Variants in TYW1 observed in about 807,000 individuals in gnomAD.
TYW1 encodes the protein tRNA-yW synthesizing protein 1 homolog, also known as S-adenosyl-L-methionine-dependent tRNA 4-demethylwyosine synthase TYW1.
Under a neutral mutation model 96.2 loss-of-function variants are expected in TYW1, and 46 were observed. That is an observed-to-expected ratio of 0.48 (90% CI 0.38 to 0.61). The LOEUF (loss-of-function observed/expected upper bound fraction) is 0.61, where lower values mean the gene tolerates loss of function less well. Among genes scored for constraint, TYW1 ranks in the 20% least tolerant of loss-of-function variants. TYW1 has a pLI of 0.00. For synonymous variants in TYW1, 274 were observed against 323.0 expected (o/e 0.85, Z 1.63); for missense variants, 684 against 909.6 (o/e 0.75, Z 3.19).
intron 13 of TYW1, among the ~76,000 whole-genome samples, chr7:67,129,652 C>T (rs549682807): frequency 1.4e-4 from 22 of 152,270 alleles, no homozygotes; most frequent in African/African-American, 5.1e-4. Flanking sequence ...ACAGTGATGA[C>T]GTCCAAGCAA....
intron 7 of TYW1, among the ~76,000 whole-genome samples, chr7:67,047,312 C>G (rs1357641293): frequency 6.6e-6 from 1 of 152,134 alleles, no homozygotes; most frequent in Non-Finnish European, 1.5e-5. Flanking sequence ...GGGAGGGTCG[C>G]TTGAGCCCAG....
intron 5 of TYW1, 43 bp downstream of exon 5, chr7:67,014,604 C>T (rs1446623876): frequency 6.5e-6 from 10 of 1,538,560 alleles, no homozygotes; most frequent in Non-Finnish European, 8.8e-6. Context: ...TCCCCATAAA[C>T]ACACACACAC....
At chr7:67,035,739 C>T (rs564269104) in intron 7 of TYW1, among the ~76,000 whole-genome samples, 8 of 152,188 alleles carry the variant, frequency 5.3e-5, no homozygotes, top group South Asian at 2.1e-4. Flanking sequence ...AGTACAGTGG[C>T]GCCATCTCGC....
chr7:67,134,586 C>T (rs1468683768), intron 13 of TYW1, among the ~76,000 whole-genome samples: 25 of 151,608 alleles, frequency 1.6e-4, no homozygotes, highest in Middle Eastern at 6.9e-3. Context: ...ATCCAAACAA[C>T]TCTGTGAACC....
At chr7:67,232,489 C>T (rs578251482) in intron 15 of TYW1, among the ~76,000 whole-genome samples, 72 of 149,044 alleles carry the variant, frequency 4.8e-4, no homozygotes, top group Admixed American at 1.5e-3. Flanking sequence ...GCAATGAAGC[C>T]GAGATTGCGC....
At chr7:67,120,095 T>G (rs1291069373) in intron 13 of TYW1, among the ~76,000 whole-genome samples, 1 of 152,148 alleles carries the variant, frequency 6.6e-6, no homozygotes, top group African/African-American at 2.4e-5. Flanking sequence ...TTTTTTTCTT[T>G]TTTTGAGATG....
intron 13 of TYW1, among the ~76,000 whole-genome samples, chr7:67,128,783 G>A (rs1379894451): frequency 6.6e-6 from 1 of 150,716 alleles, no homozygotes; most frequent in Non-Finnish European, 1.5e-5. Flanking sequence ...CTGCCTCCCA[G>A]GTTCAAGCAA....
chr7:67,067,095 G>T (rs570303729), intron 9 of TYW1, 190 bp from the exon 10 acceptor site: 2 of 611,960 alleles, frequency 3.3e-6, no homozygotes, highest in Non-Finnish European at 5.8e-6. Context: ...ATTTCACTGG[G>T]CTTTAGTAAA....
chr7:67,032,616 T>C (rs1359726916), intron 7 of TYW1, among the ~76,000 whole-genome samples: 1 of 152,056 alleles, frequency 6.6e-6, no homozygotes, highest in Non-Finnish European at 1.5e-5. Flanking sequence ...AGTTAGACCC[T>C]GTCTCAAAGA....
At chr7:67,136,908 TG>T (rs1242145788) in intron 13 of TYW1, among the ~76,000 whole-genome samples, 1 of 152,002 alleles carries the variant, frequency 6.6e-6, no homozygotes, top group Non-Finnish European at 1.5e-5. Flanking sequence ...CCGCAACCTC[TG>T]CCTCCTGGGT....
intron 11 of TYW1, among the ~76,000 whole-genome samples, chr7:67,085,737 G>A (rs1563005020): frequency 6.6e-6 from 1 of 152,262 alleles, no homozygotes; most frequent in East Asian, 1.9e-4. Flanking sequence ...GAGAGGCTGA[G>A]GTAGGCGGAT....
chr7:67,070,362 T>A (rs1795996131), intron 10 of TYW1, among the ~76,000 whole-genome samples: 1 of 152,200 alleles, frequency 6.6e-6, no homozygotes, highest in African/African-American at 2.4e-5. Flanking sequence ...TTATTATGCA[T>A]ATGTTGGTAT....
intron 3 of TYW1, among the ~76,000 whole-genome samples, chr7:67,006,948 CTTTTTTTTTTT>C (rs34475001): frequency 8.9e-5 from 4 of 45,142 alleles, no homozygotes; most frequent in Admixed American, 3.8e-4. Context: ...AGATGTGAGG[CTTTTTTTTTTT>C]TTTTTTTTTT....
chr7:67,079,106 C>T (rs1796300927), intron 10 of TYW1, among the ~76,000 whole-genome samples: 2 of 151,686 alleles, frequency 1.3e-5, no homozygotes, highest in Non-Finnish European at 1.5e-5. Flanking sequence ...TCGTATAATA[C>T]TGAGTTTCTA....
intron 12 of TYW1, among the ~76,000 whole-genome samples, chr7:67,104,479 G>A (rs1414140681): frequency 6.6e-6 from 1 of 152,144 alleles, no homozygotes; most frequent in Admixed American, 6.6e-5. Context: ...CAAGGGGGAC[G>A]TCCCCATCAC....
intron 13 of TYW1, among the ~76,000 whole-genome samples, chr7:67,139,704 G>C (rs1458384662): frequency 6.7e-6 from 1 of 149,472 alleles, no homozygotes. Flanking sequence ...AAGGCTAACT[G>C]CATATTACAT....
At chr7:67,220,971 C>T (rs2116418492) in intron 15 of TYW1, among the ~76,000 whole-genome samples, 1 of 152,246 alleles carries the variant, frequency 6.6e-6, no homozygotes, top group East Asian at 1.9e-4. Context: ...AGGTGATCCA[C>T]CTGCCTTGGC....
At chr7:67,077,840 CCT>C (rs1251991711) in intron 10 of TYW1, among the ~76,000 whole-genome samples, 1 of 152,144 alleles carries the variant, frequency 6.6e-6, no homozygotes, top group Non-Finnish European at 1.5e-5. Context: ...TAAAGTGTTT[CCT>C]CTGTGTTTTC....
At chr7:67,081,399 A>C (rs1403233752) in intron 10 of TYW1, among the ~76,000 whole-genome samples, 2 of 149,606 alleles carry the variant, frequency 1.3e-5, no homozygotes. Context: ...CAGTTCGACT[A>C]TAATGTGTCT....
Sources: gnomAD v4.1 joint callset for allele counts (sites outside exome capture counted in the v4.1 genomes callset) on GRCh38, gnomAD v4.1.1 for gene constraint, MANE v1.5 for transcripts, NCBI Gene and HGNC (gene_info 2026-07-23, HGNC 2026-07-21) for gene names.